SLC1A5: variants seen among roughly 807,000 people sequenced by gnomAD.
SLC1A5 encodes the protein solute carrier family 1 member 5.
Under a neutral mutation model 34.9 loss-of-function variants are expected in SLC1A5, and 25 were observed. That is an observed-to-expected ratio of 0.72 (90% CI 0.52 to 1.00). The LOEUF is 1.00. Ranked by LOEUF, SLC1A5 falls within the 50% of genes least tolerant of loss-of-function variation. SLC1A5 has a pLI of 0.00. For missense variants in SLC1A5, 637 were observed against 740.0 expected (o/e 0.86, Z 1.61); for synonymous variants, 351 against 341.2 (o/e 1.03, Z -0.32).
chr19:46,782,496 A>G lies in SLC1A5; in HGVS notation c.711T>C (p.Phe237=). 1 of 1,614,080 alleles carries G rather than the reference A, an allele frequency of 6.2e-7. No individual in the cohort carries two copies. Among genetic ancestry groups the G allele is most frequent in the Middle Eastern group, 1.6e-4 (1 of 6,062 alleles). Residue 237 remains phenylalanine, a synonymous_variant, in exon 4 of 8, where the codon TTT becomes TTC. Transcript: ENST00000542575. ...EGMNILGLVV[F]AIVFGVALRK... ...GCAGCGCCACACCAAAGACGATGGCAAACACTACCAAGCCCAGGATGTTCA... is the reference window on the plus strand; with the variant it reads ...GCAGCGCCACACCAAAGACGATGGCGAACACTACCAAGCCCAGGATGTTCA...
At position 46,778,785 on chromosome 19, in the gene SLC1A5, A is replaced by C. The variant is rs765052996; in HGVS notation, c.948T>G (p.His316Gln). 1 of 1,613,958 alleles carries C rather than the reference A, an allele frequency of 6.2e-7. No individual in the cohort carries two copies. Among genetic ancestry groups the C allele is most frequent in the Non-Finnish European group, 8.5e-7 (1 of 1,179,928 alleles). Residue 316 changes from histidine to glutamine, a missense_variant, in exon 5 of 8, where the codon CAT becomes CAG. Transcript: ENST00000542575. Reference sequence around the variant, plus strand: ...AGATGAGGGGCAGTACCAGGAGCCCATGGATGGCGTGACCCAGCAGGCAGC... The same window carrying C: ...AGATGAGGGGCAGTACCAGGAGCCCCTGGATGGCGTGACCCAGCAGGCAGC... ...ILCCLLGHAI[H>Q]GLLVLPLIYF...
chr19:46,784,440 C>T (rs2055171138), intron 2 of SLC1A5, 77 bp downstream of exon 2: 1 of 1,557,090 alleles, frequency 6.4e-7, no homozygotes, highest in Admixed American at 1.7e-5. Flanking sequence ...TAACCAAAAT[C>T]AGGTAGCAAG....
Position 46,788,264 on chromosome 19 carries a change from A to G in SLC1A5, c.-299T>C. 2 of 373,888 alleles carry G rather than the reference A, an allele frequency of 5.3e-6. No homozygotes were observed. Among genetic ancestry groups the G allele is most frequent in the Non-Finnish European group, 9.6e-6 (2 of 208,766 alleles). The allele number at this position is 373,888 out of a possible 1,614,324, so 23.2% of individuals were successfully genotyped here. A position where few individuals can be genotyped will look rare whatever the true frequency, so the allele number is the denominator to read the frequency against. On this transcript the variant is annotated 5_prime_UTR_variant, in exon 1 of 8. Coordinates refer to ENST00000542575, the MANE Select transcript of SLC1A5 (RefSeq NM_005628.3). ...CTTGGCCCTAGGAGCTGGGAATACG[A>G]GAGTTTCTCTGGGTGGGACGTGGGG...
chr19:46,784,815 G>A (rs2055175400), intron 1 of SLC1A5: 3 of 1,419,428 alleles, frequency 2.1e-6, no homozygotes, highest in Non-Finnish European at 2.7e-6. Context: ...GGTTCGGGGT[G>A]AGGAATGCTG....
chr19:46,777,358 C>A lies in SLC1A5; in HGVS notation c.1106G>T (p.Gly369Val). Residue 369 changes from glycine (G) to valine (V), a missense_variant, in exon 6 of 8, where the codon GGC (glycine) becomes GTC (valine). Coordinates refer to ENST00000542575, the MANE Select transcript of SLC1A5 (RefSeq NM_005628.3). ...LMMKCVEENNGVAKHISRFIL... is the reference protein window; with the variant it reads ...LMMKCVEENNVVAKHISRFIL... Reference sequence around the variant, plus strand: ...GAAACGGCTGATGTGCTTGGCCACGCCATTATTCTCCTCCACGCACTTCAT... The same window carrying A: ...GAAACGGCTGATGTGCTTGGCCACGACATTATTCTCCTCCACGCACTTCAT... 6.2e-7 allele frequency: 1 copy of A among 1,613,450 alleles called. No homozygotes were observed. Among genetic ancestry groups the A allele is most frequent in the Non-Finnish European group, 8.5e-7 (1 of 1,179,916 alleles).
At chr19:46,782,338 A>ACCCCCCAAACCCCCCCC in intron 4 of SLC1A5, 45 bp downstream of exon 4, 3 of 1,009,378 alleles carry the variant, frequency 3.0e-6, no homozygotes, top group South Asian at 1.4e-5. Context: ...CAGCAGACCG[A>ACCCCCCAAACCCCCCCC]CCCTCCAACC....
At position 46,788,421 on chromosome 19, in the gene SLC1A5, G is replaced by C. The variant is rs1025765730; in HGVS notation, c.-456C>G. 3.8e-5 allele frequency: 6 copies of C among 158,646 alleles called. No homozygotes were observed. Among genetic ancestry groups the C allele is most frequent in the Non-Finnish European group, 6.9e-5 (5 of 72,682 alleles). 9.8% of individuals were successfully genotyped at this position (158,646 alleles called of 1,614,324 possible). ...GGCTGCCTGGGTCTTGGACACTGAGGGCTGGGATGCCAGAATCTGGGGGCC... is the reference window on the plus strand; with the variant it reads ...GGCTGCCTGGGTCTTGGACACTGAGCGCTGGGATGCCAGAATCTGGGGGCC... On this transcript the variant is annotated 5_prime_UTR_variant, in exon 1 of 8. Transcript: ENST00000542575.
In SLC1A5 at chr19:46,775,565, T is replaced by C. The variant is rs774645869; in HGVS notation, c.1571A>G (p.Tyr524Cys). 3 of 1,613,864 alleles carry C rather than the reference T, an allele frequency of 1.9e-6. No homozygotes were observed. Among genetic ancestry groups the C allele is most frequent in the African/African-American group, 1.3e-5 (1 of 74,896 alleles). ...TEEGNPLLKH[Y>C]RGPAGDATVA... ...CGTGGCATCCCCTGCGGGCCCCCGA[T>C]AGTGTTTGAGGAGGGGGTTTCCTTC... Residue 524 changes from tyrosine (Y) to cysteine (C), a missense_variant, in exon 8 of 8, where the codon TAT becomes TGT. Physicochemically the swap from Tyr to Cys is radical, Grantham distance 194 (BLOSUM62 -2). Coordinates refer to ENST00000542575, the MANE Select transcript of SLC1A5 (RefSeq NM_005628.3).
At chr19:46,779,851 G>C (rs1247963921) in intron 4 of SLC1A5, among the ~76,000 whole-genome samples, 2 of 149,690 alleles carry the variant, frequency 1.3e-5, no homozygotes, top group African/African-American at 4.9e-5. Flanking sequence ...TGGGCAACAT[G>C]TCTCTCTTTT....
chr19:46,784,008 C>G, intron 3 of SLC1A5, 89 bp downstream of exon 3: 1 of 986,896 alleles, frequency 1.0e-6, no homozygotes, highest in Non-Finnish European at 1.6e-6. Context: ...CAATCAAATT[C>G]CACAGCAAAG....
At chr19:46,783,199 C>T (rs186979351) in intron 3 of SLC1A5, among the ~76,000 whole-genome samples, 2 of 152,298 alleles carry the variant, frequency 1.3e-5, no homozygotes, top group Non-Finnish European at 2.9e-5. Context: ...CACGGTGGCT[C>T]ACGCCTGTAA....
intron 7 of SLC1A5, among the ~76,000 whole-genome samples, chr19:46,776,380 G>T (rs2055089375): frequency 6.6e-6 from 1 of 151,646 alleles, no homozygotes; most frequent in East Asian, 2.0e-4. Context: ...TAATTTTTTT[G>T]TATTTTTAGT....
Position 46,787,198 on chromosome 19 carries a change from C to A in SLC1A5, c.566+202G>T. On this transcript the variant is annotated intron_variant, in intron 1 of 7. Transcript: ENST00000542575. The surrounding 1 kb of genome is among the most constrained non-coding windows in gnomAD (Gnocchi z 5.2). ...TAAGACCCCACTTATGTACCCAGGC[C>A]CCCAGATTTAGAAACCCCTTCCCCA... 1 of 1,404,874 alleles carries A rather than the reference C, an allele frequency of 7.1e-7. No homozygotes were observed. The highest frequency in any genetic ancestry group is 1.6e-5 in the South Asian group (1 of 63,950). 87.0% of individuals were successfully genotyped at this position (1,404,874 alleles called of 1,614,324 possible).
At chr19:46,780,127 T>C (rs894754464) in intron 4 of SLC1A5, among the ~76,000 whole-genome samples, 1 of 151,864 alleles carries the variant, frequency 6.6e-6, no homozygotes, top group South Asian at 2.1e-4. Context: ...GCTGGGATTA[T>C]AGGCATGAGC....
chr19:46,777,419 G>C lies in SLC1A5; in HGVS notation c.1059-14C>G, dbSNP rs766927364. On this transcript the variant is annotated splice_polypyrimidine_tract_variant and intron_variant, in intron 5 of 7. Transcript: ENST00000542575. ...AGCGTGGCGGAACTGCAAGGGATGG[G>C]GGAGCTGAGTTAGGTTAACCTGCTG... 6.3e-7 allele frequency: 1 copy of C among 1,598,208 alleles called. No homozygotes were observed. Among genetic ancestry groups the C allele is most frequent in the Non-Finnish European group, 8.5e-7 (1 of 1,171,930 alleles).
At chr19:46,777,506 C>G in intron 5 of SLC1A5, 101 bp from the exon 6 acceptor site, 1 of 1,137,194 alleles carries the variant, frequency 8.8e-7, no homozygotes, top group Non-Finnish European at 1.2e-6. Flanking sequence ...CCCACCCCAA[C>G]CAGCCAAAGC....
intron 3 of SLC1A5, among the ~76,000 whole-genome samples, chr19:46,783,683 G>A (rs1403346771): frequency 6.6e-6 from 1 of 152,076 alleles, no homozygotes; most frequent in South Asian, 2.1e-4. Context: ...CTACTGGGAA[G>A]GCTGAGGTGA....
chr19:46,777,468 G>A (rs1415877713), intron 5 of SLC1A5, 63 bp from the exon 6 acceptor site: 3 of 1,487,234 alleles, frequency 2.0e-6, no homozygotes, highest in Non-Finnish European at 2.7e-6. Flanking sequence ...CCACCCTCCA[G>A]GTCCAGCCCA....
At position 46,775,274 on chromosome 19, in the gene SLC1A5, A is replaced by T. The variant is rs911284368; in HGVS notation, c.*236T>A. The T allele has an allele frequency of 5.5e-6, 7 of 1,266,710 alleles. No individual in the cohort carries two copies. In the African/African-American group the frequency reaches 1.1e-4, roughly 19 times the overall value. 78.5% of individuals were successfully genotyped at this position (1,266,710 alleles called of 1,614,324 possible). ...TTATTTCTCCATCTTGCTGTTTTCT[A>T]GCCTTGAGTTGGGGACATGAGTGAG... On this transcript the variant is annotated 3_prime_UTR_variant, in exon 8 of 8. Transcript: ENST00000542575.
Sources: allele counts gnomAD v4.1 joint callset (sites outside exome capture counted in the v4.1 genomes callset), GRCh38; gene constraint gnomAD v4.1.1; non-coding constraint Gnocchi (gnomAD v3.1); transcripts MANE v1.5; gene names NCBI Gene and HGNC (gene_info 2026-07-23, HGNC 2026-07-21).